The following CSGALNACT1 variants were observed in gnomAD, a reference collection of about 807,000 sequenced individuals.
CSGALNACT1 encodes the protein beta4GalNAcT-1.
In CSGALNACT1, 52 loss-of-function variants were observed where a neutral mutation model predicts 51.0. The observed-to-expected ratio is 1.02, with a 90% CI of 0.82 to 1.29. The LOEUF is 1.29. CSGALNACT1 is among the 50% of genes most tolerant of loss of function. The pLI, the probability that CSGALNACT1 is intolerant of heterozygous loss-of-function variation, is 0.00. For synonymous variants in CSGALNACT1, 341 were observed against 254.4 expected, an observed-to-expected ratio of 1.34 and a Z score of -3.24; for missense variants, 935 against 679.2, an observed-to-expected ratio of 1.38 and a Z score of -4.19.
intron 1 of CSGALNACT1, among the ~76,000 whole-genome samples, chr8:19,642,577 C>A (rs2056848430): frequency 6.6e-6 from 1 of 151,914 alleles, no homozygotes; most frequent in Admixed American, 6.6e-5. Context: ...TTGAGACCAG[C>A]CTGGGCAAAA....
chr8:19,629,077 C>G (rs1380845019), intron 1 of CSGALNACT1, among the ~76,000 whole-genome samples: 1 of 152,026 alleles, frequency 6.6e-6, no homozygotes, highest in Admixed American at 6.5e-5. Context: ...CTAATAGGTC[C>G]AAGTAATTGG....
chr8:19,536,838 G>A (rs2083852059), intron 3 of CSGALNACT1, among the ~76,000 whole-genome samples: 6 of 152,172 alleles, frequency 3.9e-5, no homozygotes, highest in Admixed American at 3.9e-4. Flanking sequence ...GTAGAATAGA[G>A]AACCCAGAAA....
chr8:19,603,625 A>G (rs1182140623), upstream of CSGALNACT1, among the ~76,000 whole-genome samples: 1 of 152,234 alleles, frequency 6.6e-6, no homozygotes, highest in Non-Finnish European at 1.5e-5. Context: ...CCAAGAGTTG[A>G]AATAAGCTTA....
chr8:19,685,995 C>G (rs566429101), upstream of CSGALNACT1, among the ~76,000 whole-genome samples: 1 of 152,316 alleles, frequency 6.6e-6, no homozygotes, highest in Admixed American at 6.5e-5. Context: ...CGTAAGTACA[C>G]ACTCTTGGTG....
rs2061313831 is a variant in CSGALNACT1, at chr8:19,691,416, A to G, written c.-297+66434T>C. On this transcript the variant is annotated intron_variant, in intron 1 of 1. Transcript: ENST00000517494. ...AATACCACTAATCAAACAGGGCCCAATTTCTTAAAACAAACAAAACAAAAC... is the reference window on the plus strand; with the variant it reads ...AATACCACTAATCAAACAGGGCCCAGTTTCTTAAAACAAACAAAACAAAAC... 3.9e-5 allele frequency among the ~76,000 whole-genome samples: 6 copies of G among 152,178 alleles called. No individual in the cohort carries two copies. In the South Asian group the frequency reaches 1.2e-3, roughly 31 times the overall value.
chr8:19,427,903 A>T (rs2059027641), intron 6 of CSGALNACT1, among the ~76,000 whole-genome samples: 1 of 152,182 alleles, frequency 6.6e-6, no homozygotes, highest in Non-Finnish European at 1.5e-5. Context: ...GAGGAAGGGA[A>T]GCCTTCTTCC....
At chr8:19,557,792 A>G (rs1313737614) in intron 3 of CSGALNACT1, among the ~76,000 whole-genome samples, 11 of 152,078 alleles carry the variant, frequency 7.2e-5, no homozygotes, top group African/African-American at 2.4e-4. Flanking sequence ...TTTGTTGTCA[A>G]TCTCCTATCC....
chr8:19,643,872 A>G (rs2056989137), intron 1 of CSGALNACT1, among the ~76,000 whole-genome samples: 1 of 152,230 alleles, frequency 6.6e-6, no homozygotes, highest in African/African-American at 2.4e-5. Flanking sequence ...TAAACAATTT[A>G]GCAGTAATTT....
intron 1 of CSGALNACT1, chr8:19,688,606 C>T (rs921464864): frequency 7.2e-5 from 11 of 152,150 alleles, no homozygotes; most frequent in African/African-American, 2.7e-4. Context: ...TGCATTGACT[C>T]CTTCCCTTCA....
intron 4 of CSGALNACT1, among the ~76,000 whole-genome samples, chr8:19,491,099 C>A (rs1165315162): frequency 5.3e-5 from 8 of 150,496 alleles, no homozygotes; most frequent in Admixed American, 2.6e-4. Context: ...AAAAAAAAAA[C>A]CAATGCTTTG....
intron 4 of CSGALNACT1, among the ~76,000 whole-genome samples, chr8:19,469,314 C>A (rs969248666): frequency 6.6e-6 from 1 of 152,036 alleles, no homozygotes; most frequent in African/African-American, 2.4e-5. Context: ...TCCCTTGAGC[C>A]CAGGAGATCG....
intron 3 of CSGALNACT1, among the ~76,000 whole-genome samples, chr8:19,516,593 C>T (rs1386830071): frequency 2.0e-5 from 3 of 152,248 alleles, no homozygotes; most frequent in South Asian, 2.1e-4. Context: ...CTCACACTAT[C>T]CTGACAAATA....
At chr8:19,712,850 G>A (rs2062591462) in intron 1 of CSGALNACT1, among the ~76,000 whole-genome samples, 1 of 152,138 alleles carries the variant, frequency 6.6e-6, no homozygotes, top group Admixed American at 6.5e-5. Flanking sequence ...GCCAAGCTTG[G>A]CAAGAAACAT....
chr8:19,521,755 G>A (rs2080771686), intron 3 of CSGALNACT1, among the ~76,000 whole-genome samples: 2 of 152,202 alleles, frequency 1.3e-5, no homozygotes, highest in Admixed American at 1.3e-4. Flanking sequence ...ACACACAAGA[G>A]AAGTTCTAGG....
At chr8:19,432,056 T>C (rs1208717802) in intron 6 of CSGALNACT1, among the ~76,000 whole-genome samples, 1 of 152,156 alleles carries the variant, frequency 6.6e-6, no homozygotes, top group South Asian at 2.1e-4. Flanking sequence ...ATGTAGTTAC[T>C]TCACTGGCAA....
chr8:19,493,599 G>A (rs943806357), intron 4 of CSGALNACT1, among the ~76,000 whole-genome samples: 1 of 152,176 alleles, frequency 6.6e-6, no homozygotes, highest in African/African-American at 2.4e-5. Context: ...AGGACATGTA[G>A]TCTTTGACAT....
At chr8:19,687,464 C>T (rs770725044), upstream of CSGALNACT1, among the ~76,000 whole-genome samples, 1 of 152,034 alleles carries the variant, frequency 6.6e-6, no homozygotes, top group Non-Finnish European at 1.5e-5. Context: ...CAATGCCGTA[C>T]AGATGTGATG....
chr8:19,712,319 C>T (rs1417003080), intron 1 of CSGALNACT1, among the ~76,000 whole-genome samples: 1 of 152,124 alleles, frequency 6.6e-6, no homozygotes, highest in East Asian at 1.9e-4. Context: ...GCCACCGCGC[C>T]TGGCCAGAAC....
chr8:19,437,820 A>C lies in CSGALNACT1; in HGVS notation c.953+2010T>G, dbSNP rs544641901. ...GTGAATTGGGTAGATTGATGACTAGATGTTTGCCAAAGTTTGAGGCAAACC... is the reference window on the plus strand; with the variant it reads ...GTGAATTGGGTAGATTGATGACTAGCTGTTTGCCAAAGTTTGAGGCAAACC... On this transcript the variant is annotated intron_variant, in intron 6 of 9. Transcript: ENST00000454498. Among the ~76,000 whole-genome samples the C allele has an allele frequency of 5.9e-5, 9 of 152,308 alleles. No individual in the cohort carries two copies. The East Asian group carries it at 9.6e-4, about 16-fold the overall frequency.
Sources: allele counts gnomAD v4.1 joint callset (sites outside exome capture counted in the v4.1 genomes callset), GRCh38; gene constraint gnomAD v4.1.1; transcripts MANE v1.5; gene names NCBI Gene and HGNC (gene_info 2026-07-23, HGNC 2026-07-21).